The following PTPRM variants were observed in gnomAD, a reference collection of about 807,000 sequenced individuals.
PTPRM encodes protein tyrosine phosphatase receptor type M, also known as receptor-type tyrosine-protein phosphatase mu.
PTPRM carries 47 observed loss-of-function variants against 186.7 expected under a neutral mutation model. The observed-to-expected ratio is 0.25, with a 90% CI of 0.20 to 0.32. PTPRM has a LOEUF of 0.32. Among genes scored for constraint, PTPRM ranks in the 10% least tolerant of loss-of-function variants. The pLI is 1.00. For synonymous variants in PTPRM, 668 were observed against 674.9 expected (o/e 0.99, Z 0.16); for missense variants, 1,494 against 1,865.0 (o/e 0.80, Z 3.66).
intron 1 of PTPRM, chr18:7,749,343 A>C (rs918263292): frequency 2.6e-5 from 4 of 151,994 alleles, no homozygotes; most frequent in Non-Finnish European, 5.9e-5. Flanking sequence ...ACAACAAAAA[A>C]AACTCACATT....
intron 13 of PTPRM, among the ~76,000 whole-genome samples, chr18:8,117,221 CT>C (rs1260374847): frequency 6.6e-6 from 1 of 152,198 alleles, no homozygotes; most frequent in Non-Finnish European, 1.5e-5. Flanking sequence ...GATCTAATAA[CT>C]GTTGATACCA....
intron 14 of PTPRM, among the ~76,000 whole-genome samples, chr18:8,193,652 G>A (rs2079178238): frequency 6.6e-6 from 1 of 152,254 alleles, no homozygotes; most frequent in Admixed American, 6.5e-5. Flanking sequence ...GCAGAACACA[G>A]TAGTGAGTGC....
At chr18:8,268,973 CA>C (rs1252821485) in intron 19 of PTPRM, among the ~76,000 whole-genome samples, 3 of 151,916 alleles carry the variant, frequency 2.0e-5, no homozygotes, top group Non-Finnish European at 4.4e-5. Flanking sequence ...ACATACTCAA[CA>C]AAGAAAAGCT....
At chr18:7,579,114 TA>T (rs1301970717) in intron 1 of PTPRM, among the ~76,000 whole-genome samples, 5 of 152,248 alleles carry the variant, frequency 3.3e-5, no homozygotes, top group Admixed American at 1.3e-4. Context: ...GGGCCAACAT[TA>T]TGTTTGAAAA....
intron 2 of PTPRM, among the ~76,000 whole-genome samples, chr18:7,865,933 A>G (rs1039348329): frequency 6.6e-6 from 1 of 152,078 alleles, no homozygotes; most frequent in East Asian, 1.9e-4. Flanking sequence ...GAGTCCAGTA[A>G]TTTATCCATT....
Position 8,083,007 on chromosome 18 carries a change from T to C in PTPRM, c.1552-2664T>C, listed in dbSNP as rs1341561730. 2.0e-5 allele frequency among the ~76,000 whole-genome samples: 3 copies of C among 152,064 alleles called. No individual in the cohort carries two copies. The East Asian group carries it at 5.8e-4, about 29-fold the overall frequency. On this transcript the variant is annotated intron_variant, in intron 9 of 32. Transcript: ENST00000580170. ...CCTTCACTGAGTTCTGTCCATTTTA[T>C]CTCTAAAAGATGCCAATTCTTTTCA...
intron 7 of PTPRM, among the ~76,000 whole-genome samples, chr18:7,981,642 A>C (rs1433716705): frequency 2.0e-5 from 3 of 152,316 alleles, no homozygotes; most frequent in Non-Finnish European, 2.9e-5. Flanking sequence ...ATATGCAGTC[A>C]TGCATCCTTA....
chr18:8,397,540 G>A (rs908116821), intron 32 of PTPRM, among the ~76,000 whole-genome samples: 20 of 152,184 alleles, frequency 1.3e-4, no homozygotes, highest in Admixed American at 7.9e-4. Context: ...ATCCAGCAGG[G>A]GCAGCTGCAT....
At chr18:7,657,721 G>A (rs1401927998) in intron 1 of PTPRM, among the ~76,000 whole-genome samples, 1 of 152,198 alleles carries the variant, frequency 6.6e-6, no homozygotes, top group Non-Finnish European at 1.5e-5. Flanking sequence ...CATGAAGCAT[G>A]GCTGCTTAAA....
chr18:8,106,360 G>A (rs2091519138), intron 11 of PTPRM, among the ~76,000 whole-genome samples: 1 of 152,098 alleles, frequency 6.6e-6, no homozygotes, highest in Admixed American at 6.6e-5. Context: ...CTTTAATTCA[G>A]GGAGAATGTT....
intron 7 of PTPRM, among the ~76,000 whole-genome samples, chr18:7,993,813 G>A (rs1324395958): frequency 6.6e-6 from 1 of 151,984 alleles, no homozygotes; most frequent in African/African-American, 2.4e-5. Flanking sequence ...GAGCAGATAC[G>A]TATATGAGAA....
At chr18:8,258,860 A>G (rs906579767) in intron 19 of PTPRM, among the ~76,000 whole-genome samples, 35 of 151,974 alleles carry the variant, frequency 2.3e-4, no homozygotes, top group Admixed American at 2.0e-4. Context: ...TTTGCATCCT[A>G]TTCTTCAAAA....
At chr18:8,232,097 G>C (rs921676572) in intron 14 of PTPRM, among the ~76,000 whole-genome samples, 1 of 152,078 alleles carries the variant, frequency 6.6e-6, no homozygotes, top group Non-Finnish European at 1.5e-5. Context: ...GTTAACCTTT[G>C]ACAATCACTA....
intron 21 of PTPRM, among the ~76,000 whole-genome samples, 154 bp downstream of exon 21, chr18:8,315,011 T>G (rs117292232): frequency 6.6e-6 from 1 of 152,314 alleles, no homozygotes; most frequent in Non-Finnish European, 1.5e-5. Context: ...AGATTGTGTG[T>G]CTGCTGAACG....
chr18:7,627,708 T>C (rs1286624376), intron 1 of PTPRM, among the ~76,000 whole-genome samples: 1 of 152,206 alleles, frequency 6.6e-6, no homozygotes, highest in Non-Finnish European at 1.5e-5. Flanking sequence ...GCTTTGCCAA[T>C]GTTAAATGCC....
At chr18:7,722,125 C>T (rs1476893236) in intron 1 of PTPRM, among the ~76,000 whole-genome samples, 1 of 152,302 alleles carries the variant, frequency 6.6e-6, no homozygotes, top group African/African-American at 2.4e-5. Context: ...AGTTTTACTG[C>T]TCTAAAAATC....
At chr18:8,270,416 T>C (rs2094756958) in intron 19 of PTPRM, 1 of 151,974 alleles carries the variant, frequency 6.6e-6, no homozygotes, top group Non-Finnish European at 1.5e-5. Flanking sequence ...TCAACCTAAG[T>C]GTTGGCAAGG....
At chr18:7,732,535 G>T (rs1390812687) in intron 1 of PTPRM, among the ~76,000 whole-genome samples, 1 of 151,878 alleles carries the variant, frequency 6.6e-6, no homozygotes, top group South Asian at 2.1e-4. Flanking sequence ...ACAGGGTCTT[G>T]CTCTGTTGTT....
chr18:7,869,492 C>T (rs1432313735), intron 2 of PTPRM, among the ~76,000 whole-genome samples: 6 of 152,184 alleles, frequency 3.9e-5, no homozygotes, highest in African/African-American at 7.2e-5. Context: ...GGCAATGCCC[C>T]ACCCTGCTTC....
Sources: gnomAD v4.1 joint callset for allele counts (sites outside exome capture counted in the v4.1 genomes callset) on GRCh38, gnomAD v4.1.1 for gene constraint, MANE v1.5 for transcripts, NCBI Gene and HGNC (gene_info 2026-07-23, HGNC 2026-07-21) for gene names.